The following RALYL variants were observed in gnomAD, a reference collection of about 807,000 sequenced individuals.
The protein encoded by RALYL is RNA-binding Raly-like protein.
Under a neutral mutation model 35.1 loss-of-function variants are expected in RALYL, and 29 were observed. The ratio of observed to expected loss-of-function variants is 0.83; its 90% CI spans 0.61 to 1.13. The LOEUF (loss-of-function observed/expected upper bound fraction) is 1.13, where lower values mean the gene tolerates loss of function less well. RALYL is among the 50% of genes most tolerant of loss of function. RALYL has a pLI of 0.00. For synonymous variants in RALYL, 120 were observed against 127.6 expected (o/e 0.94, Z 0.40); for missense variants, 359 against 360.4 (o/e 1.00, Z 0.03).
chr8:84,587,199 A>C (rs1382716503), intron 2 of RALYL, among the ~76,000 whole-genome samples: 1 of 152,204 alleles, frequency 6.6e-6, no homozygotes, highest in Non-Finnish European at 1.5e-5. Flanking sequence ...ATGTTGCTGT[A>C]GTAGAGTTTA....
intron 1 of RALYL, among the ~76,000 whole-genome samples, chr8:84,486,256 T>C (rs117195069): frequency 2.0e-5 from 3 of 148,256 alleles, no homozygotes; most frequent in Non-Finnish European, 4.5e-5. Flanking sequence ...ATATAAAAAT[T>C]ATTCAACTTT....
intron 3 of RALYL, among the ~76,000 whole-genome samples, chr8:84,776,351 CAT>C (rs1816841730): frequency 6.6e-6 from 1 of 152,116 alleles, no homozygotes; most frequent in Admixed American, 6.6e-5. Context: ...CTGAAAAATA[CAT>C]CATAATTTCT....
chr8:84,483,260 C>A (rs1210054805), intron 1 of RALYL, among the ~76,000 whole-genome samples: 1 of 152,218 alleles, frequency 6.6e-6, no homozygotes, highest in South Asian at 2.1e-4. Context: ...TTCTAATACT[C>A]TAAAAAGATA....
chr8:84,789,549 A>C (rs190364263), intron 3 of RALYL, among the ~76,000 whole-genome samples: 106 of 152,300 alleles, frequency 7.0e-4, no homozygotes, highest in South Asian at 1.0e-3. Flanking sequence ...CGAAAAAAAA[A>C]CATTATATGA....
chr8:84,185,127 G>A (rs1009767754), intron 1 of RALYL: 41 of 1,087,772 alleles, frequency 3.8e-5, no homozygotes, highest in Non-Finnish European at 5.7e-5. Flanking sequence ...GTGCCTGCTG[G>A]TGTCGTCTTC....
At chr8:84,359,502 C>T (rs1852515199) in intron 1 of RALYL, among the ~76,000 whole-genome samples, 2 of 152,078 alleles carry the variant, frequency 1.3e-5, no homozygotes, top group South Asian at 4.2e-4. Context: ...TTCAGTAATG[C>T]TTTCTTTCAC....
In RALYL at chr8:84,494,613, T is replaced by C. The variant is rs573295858; in HGVS notation, c.-23-34686T>C. ...TTGTAGTTCTTGAAGAGCTCCTTCATGTCCCTTGTAGCTGTATTCCTAGAT... is the reference window on the plus strand; with the variant it reads ...TTGTAGTTCTTGAAGAGCTCCTTCACGTCCCTTGTAGCTGTATTCCTAGAT... On this transcript the variant is annotated intron_variant, in intron 1 of 8. Coordinates refer to ENST00000521268, the MANE Select transcript of RALYL (RefSeq NM_173848.7). Among the ~76,000 whole-genome samples the C allele has an allele frequency of 6.6e-5, 10 of 152,128 alleles. No homozygotes were observed. The South Asian group carries it at 2.1e-3, about 32-fold the overall frequency.
At chr8:84,840,715 G>C (rs569714631) in intron 4 of RALYL, among the ~76,000 whole-genome samples, 1 of 152,182 alleles carries the variant, frequency 6.6e-6, no homozygotes, top group Non-Finnish European at 1.5e-5. Context: ...GGCAGCCAGA[G>C]AAAAAGGTAG....
chr8:84,475,406 G>GA (rs201568280), intron 1 of RALYL, among the ~76,000 whole-genome samples: 2,519 of 152,088 alleles, frequency 0.017, 70 homozygotes, highest in African/African-American at 0.057. Flanking sequence ...ATTTATTGGA[G>GA]ACAGGTTTTC....
At chr8:84,561,479 C>G (rs138553788) in intron 2 of RALYL, among the ~76,000 whole-genome samples, 24 of 151,826 alleles carry the variant, frequency 1.6e-4, no homozygotes, top group Non-Finnish European at 2.9e-4. Flanking sequence ...AAATCACAGA[C>G]AGTCCTGAGC....
intron 1 of RALYL, among the ~76,000 whole-genome samples, chr8:84,359,327 T>C (rs1019592561): frequency 6.6e-6 from 1 of 151,936 alleles, no homozygotes; most frequent in African/African-American, 2.4e-5. Flanking sequence ...AAACCACTTT[T>C]GTTAAGTTAA....
At chr8:84,263,583 G>A (rs554836125) in intron 1 of RALYL, among the ~76,000 whole-genome samples, 11 of 152,176 alleles carry the variant, frequency 7.2e-5, no homozygotes, top group Admixed American at 1.3e-4. Context: ...TATTGAAGAC[G>A]GATTTTTTAT....
intron 1 of RALYL, chr8:84,346,094 T>C: frequency 1.0e-6 from 1 of 983,864 alleles, no homozygotes; most frequent in Non-Finnish European, 1.2e-6. Flanking sequence ...CATGAGCAAT[T>C]GCTCTATTTT....
At position 84,319,819 on chromosome 8, in the gene RALYL, C is replaced by T. The variant is rs527603127; in HGVS notation, c.-24+135395C>T. 9.9e-5 allele frequency among the ~76,000 whole-genome samples: 15 copies of T among 151,980 alleles called. No individual in the cohort carries two copies. In the East Asian group the frequency reaches 2.7e-3, roughly 28 times the overall value. ...TATATTAGAATATGTTTCTGTTACC[C>T]TTCCAAGGAAGATGTATCTTCTGAA... is the stretch of plus-strand genomic sequence containing the variant. On this transcript the variant is annotated intron_variant, in intron 1 of 8. Transcript: ENST00000521268.
chr8:84,201,462 T>A (rs1293177977), intron 1 of RALYL, among the ~76,000 whole-genome samples: 1 of 151,992 alleles, frequency 6.6e-6, no homozygotes, highest in African/African-American at 2.4e-5. Flanking sequence ...TGAGTATGAG[T>A]GTGAGTGTGT....
At position 84,540,624 on chromosome 8, in the gene RALYL, T is replaced by C. The variant is rs150039136; in HGVS notation, c.256+11047T>C. On this transcript the variant is annotated intron_variant, in intron 2 of 8. Coordinates refer to ENST00000521268, the MANE Select transcript of RALYL (RefSeq NM_173848.7). ...TTCATGATAAACTATTGGCTTATAA[T>C]ATTTTTTCTGGTTATGTCCATGCCA... is the stretch of plus-strand genomic sequence containing the variant. Among the ~76,000 whole-genome samples the C allele has an allele frequency of 3.9e-5, 6 of 152,100 alleles. No individual in the cohort carries two copies. The East Asian group carries it at 1.2e-3, about 29-fold the overall frequency.
chr8:84,898,193 T>C (rs1045757179), intron 8 of RALYL, among the ~76,000 whole-genome samples: 1 of 152,154 alleles, frequency 6.6e-6, no homozygotes, highest in African/African-American at 2.4e-5. Context: ...GAAATGCAGA[T>C]TCTCAGGCTC....
chr8:84,649,778 G>A (rs1450851578), intron 2 of RALYL, among the ~76,000 whole-genome samples: 1 of 151,892 alleles, frequency 6.6e-6, no homozygotes, highest in South Asian at 2.1e-4. Flanking sequence ...TTTTTTGGTT[G>A]CATATGAACT....
At chr8:84,468,470 C>A (rs2052099847) in intron 1 of RALYL, among the ~76,000 whole-genome samples, 1 of 148,266 alleles carries the variant, frequency 6.7e-6, no homozygotes, top group Non-Finnish European at 1.5e-5. Context: ...TGAACATTGG[C>A]CCCCACTCTC....
Sources: gnomAD v4.1 joint callset for allele counts (sites outside exome capture counted in the v4.1 genomes callset) on GRCh38, gnomAD v4.1.1 for gene constraint, MANE v1.5 for transcripts, NCBI Gene and HGNC (gene_info 2026-07-23, HGNC 2026-07-21) for gene names.